CFAP74: variants seen among roughly 807,000 people sequenced by gnomAD.
CFAP74 encodes cilia- and flagella-associated protein 74.
A neutral mutation model predicts 188.9 loss-of-function variants in CFAP74; 124 were observed. That is an observed-to-expected ratio of 0.66 (90% CI 0.57 to 0.76). The LOEUF (loss-of-function observed/expected upper bound fraction) is 0.76. CFAP74 is among the 30% of genes least tolerant of loss of function. The pLI is 0.00. For synonymous variants in CFAP74, 956 were observed against 916.7 expected, an observed-to-expected ratio of 1.04 and a Z score of -0.77; for missense variants, 2,198 against 2,165.2, an observed-to-expected ratio of 1.02 and a Z score of -0.30.
chr1:1,941,633 C>T (rs915468242), intron 22 of CFAP74, among the ~76,000 whole-genome samples: 6 of 152,148 alleles, frequency 3.9e-5, no homozygotes, highest in East Asian at 1.9e-4. Flanking sequence ...GGGGAGTGCA[C>T]GGACCGCAGG....
intron 8 of CFAP74, 81 bp downstream of exon 8, chr1:1,972,856 T>C (rs1570951261): frequency 1.1e-6 from 1 of 934,238 alleles, no homozygotes; most frequent in Non-Finnish European, 1.7e-6. Context: ...AAATAAATAA[T>C]AAAATCAGGG....
In CFAP74 at chr1:1,922,407, G is replaced by GGAGAA; in HGVS notation, c.4819-24_4819-20dup. ...GGTCTGGCTGGAACAGGAGGGGAGG[G>GGAGAA]GAGAAGAGGCCTTCAGTCAGTGGGC... On this transcript the variant is annotated intron_variant, in intron 38 of 38. Transcript: ENST00000682832. 1 of 1,596,148 alleles carries GGAGAA rather than the reference G, an allele frequency of 6.3e-7. No individual in the cohort carries two copies. Among genetic ancestry groups the GGAGAA allele is most frequent in the South Asian group, 1.1e-5 (1 of 89,550 alleles).
In CFAP74 at chr1:1,975,589, AAAC is replaced by A. The variant is rs1656386321; in HGVS notation, c.501-1394_501-1392del. On this transcript the variant is annotated intron_variant, in intron 6 of 38. Coordinates refer to ENST00000682832, the MANE Select transcript of CFAP74 (RefSeq NM_001304360.2). This position sits in a 1 kb window ranked among gnomAD's most constrained non-coding sequence, Gnocchi z 4.5. ...CCATGTTCTTTGTTGGGGTAATTTT[AAAC>A]AGAGGGCTCCTTTCCAGGGAGCATG... Among the ~76,000 whole-genome samples the A allele has an allele frequency of 6.6e-6, 1 of 152,058 alleles. No homozygotes were observed. Among genetic ancestry groups the A allele is most frequent in the South Asian group, 2.1e-4 (1 of 4,816 alleles).
chr1:1,948,183 T>A (rs1653911149), intron 18 of CFAP74, among the ~76,000 whole-genome samples: 1 of 152,196 alleles, frequency 6.6e-6, no homozygotes, highest in Non-Finnish European at 1.5e-5. Flanking sequence ...GGGTCCCCGG[T>A]TCTGAAAGTG....
At chr1:1,927,539 G>A in intron 28 of CFAP74, 68 bp downstream of exon 28, 1 of 1,435,956 alleles carries the variant, frequency 7.0e-7, no homozygotes. Context: ...GGACTCTACA[G>A]GGGCCACAGT....
At chr1:1,983,048 A>G (rs4648746) in intron 6 of CFAP74, among the ~76,000 whole-genome samples, 64,986 of 152,060 alleles carry the variant, frequency 0.43, 15,282 homozygotes, top group African/African-American at 0.64. Flanking sequence ...CGCCAAACGC[A>G]AGGCGGCTGG....
intron 20 of CFAP74, among the ~76,000 whole-genome samples, chr1:1,944,766 C>T (rs1340979013): frequency 6.6e-6 from 1 of 152,090 alleles, no homozygotes; most frequent in Non-Finnish European, 1.5e-5. Flanking sequence ...GCCACCATGC[C>T]AGGCTAATTT....
intron 6 of CFAP74, 120 bp downstream of exon 6, chr1:1,985,266 C>T: frequency 1.3e-6 from 1 of 776,508 alleles, no homozygotes; most frequent in Non-Finnish European, 2.2e-6. Flanking sequence ...CTTTCCACTT[C>T]CCCGCAGTTT....
chr1:1,964,430 T>C (rs1257116114), intron 13 of CFAP74, among the ~76,000 whole-genome samples: 1 of 152,226 alleles, frequency 6.6e-6, no homozygotes, highest in East Asian at 1.9e-4. Context: ...CTCCACCTCC[T>C]GGAAGAGAAG....
rs1326765202 is a variant in CFAP74, at chr1:1,931,108, G to C, written c.3012-772C>G. ...ATTCAAATGCGTATTTTTATGTCCT[G>C]TGACCACAGGCTCTAAATGCTTTAA... On this transcript the variant is annotated intron_variant, in intron 25 of 38. Transcript: ENST00000682832. Among the ~76,000 whole-genome samples the C allele has an allele frequency of 3.9e-5, 6 of 152,120 alleles. No individual in the cohort carries two copies. The East Asian group carries it at 1.2e-3, about 29-fold the overall frequency.
At chr1:1,922,864 G>T in intron 37 of CFAP74, 121 bp downstream of exon 37, 8 of 1,487,160 alleles carry the variant, frequency 5.4e-6, no homozygotes, top group Non-Finnish European at 7.2e-6. Context: ...CAGGAAGTCC[G>T]AGAAAAGCCC....
Position 1,992,574 on chromosome 1 carries a change from C to T in CFAP74, c.-19-1599G>A, listed in dbSNP as rs775621631. Among the ~76,000 whole-genome samples, 149 of 151,858 alleles carry T rather than the reference C, an allele frequency of 9.8e-4. 3 individuals carry two copies. The highest frequency in any genetic ancestry group is 6.5e-3 in the South Asian group (31 of 4,802). ...CTGCAAGCTCTGCCTCCTGGGTTCACGCCCCTCTCCTGTCTCAGCCTCCCG... is the reference window on the plus strand; with the variant it reads ...CTGCAAGCTCTGCCTCCTGGGTTCATGCCCCTCTCCTGTCTCAGCCTCCCG... On this transcript the variant is annotated intron_variant, in intron 1 of 38. Coordinates refer to ENST00000682832, the MANE Select transcript of CFAP74 (RefSeq NM_001304360.2).
In CFAP74 at chr1:1,946,383, A is replaced by C; in HGVS notation, c.2298T>G (p.Thr766=). The C allele has an allele frequency of 6.5e-7, 1 of 1,537,018 alleles. No homozygotes were observed. Among genetic ancestry groups the C allele is most frequent in the Non-Finnish European group, 8.7e-7 (1 of 1,146,866 alleles). ...CTTGGACGTCGCCTGGGACGACCGG[A>C]GTGAAGACGATGGGCACCTTGATGG... ...FSSIKVPIVF[T]PVVPGDVQAR... is the part of the protein sequence containing the mutation. Residue 766 remains threonine (T), a synonymous_variant, in exon 20 of 39, where the codon ACT becomes ACG. Coordinates refer to ENST00000682832, the MANE Select transcript of CFAP74 (RefSeq NM_001304360.2).
intron 18 of CFAP74, chr1:1,955,459 G>C: frequency 6.4e-7 from 1 of 1,555,832 alleles, no homozygotes; most frequent in African/African-American, 1.4e-5. Flanking sequence ...CAATGCTGGA[G>C]GTGCCTTCAA....
chr1:1,964,248 A>G (rs1292186182), intron 13 of CFAP74, among the ~76,000 whole-genome samples: 1 of 152,212 alleles, frequency 6.6e-6, no homozygotes, highest in African/African-American at 2.4e-5. Context: ...AGTTTGGCAG[A>G]GGCGTCCAGG....
chr1:1,948,594 GT>G (rs56188156), intron 18 of CFAP74, among the ~76,000 whole-genome samples: 82 of 122,046 alleles, frequency 6.7e-4, no homozygotes, highest in African/African-American at 1.7e-3. Context: ...CTTTCTTCTT[GT>G]TTTTTTTTTT....
At chr1:1,989,417 G>T (rs932082262) in intron 2 of CFAP74, among the ~76,000 whole-genome samples, 2 of 152,174 alleles carry the variant, frequency 1.3e-5, no homozygotes, top group African/African-American at 4.8e-5. Flanking sequence ...GCCCCCGAGC[G>T]TTCCTTCTGC....
At chr1:1,994,953 G>A (rs1396523567) in intron 1 of CFAP74, among the ~76,000 whole-genome samples, 1 of 152,168 alleles carries the variant, frequency 6.6e-6, no homozygotes, top group Non-Finnish European at 1.5e-5. Flanking sequence ...AGACAGAGGC[G>A]CTGGCTGACC....
chr1:1,929,621 C>T (rs534435469), intron 26 of CFAP74, among the ~76,000 whole-genome samples: 4 of 151,936 alleles, frequency 2.6e-5, no homozygotes, highest in East Asian at 1.9e-4. Flanking sequence ...CAGGGTCACC[C>T]GAAGGCCCTG....
Sources: gnomAD v4.1 joint callset for allele counts (sites outside exome capture counted in the v4.1 genomes callset) on GRCh38, gnomAD v4.1.1 for gene constraint, Gnocchi (gnomAD v3.1) non-coding constraint, MANE v1.5 for transcripts, NCBI Gene and HGNC (gene_info 2026-07-23, HGNC 2026-07-21) for gene names.